Variants in LZTFL1 observed in about 807,000 individuals in gnomAD.
LZTFL1 encodes the protein leucine zipper transcription factor like 1, also known as leucine zipper transcription factor-like protein 1.
LZTFL1 carries 25 observed loss-of-function variants against 45.9 expected under a neutral mutation model. The ratio of observed to expected loss-of-function variants is 0.54; its 90% CI spans 0.40 to 0.76. The LOEUF (loss-of-function observed/expected upper bound fraction) is 0.76. Ranked by LOEUF, LZTFL1 falls within the 30% of genes least tolerant of loss-of-function variation. LZTFL1 has a pLI of 0.00. For synonymous variants in LZTFL1, 93 were observed against 117.4 expected, an observed-to-expected ratio of 0.79 and a Z score of 1.35; for missense variants, 277 against 331.1, an observed-to-expected ratio of 0.84 and a Z score of 1.27.
chr3:45,867,596 C>G (rs1430643644), intron 2 of LZTFL1, among the ~76,000 whole-genome samples: 1 of 152,186 alleles, frequency 6.6e-6, no homozygotes, highest in Admixed American at 6.5e-5. Flanking sequence ...GTAATCCCAG[C>G]ACTTTGGGAG....
chr3:45,911,152 C>T (rs1381276812), intron 2 of LZTFL1, among the ~76,000 whole-genome samples: 6 of 152,198 alleles, frequency 3.9e-5, no homozygotes, highest in African/African-American at 1.4e-4. Context: ...CTCTGCTCTT[C>T]CACTGGTCAG....
At chr3:45,861,200 A>G (rs1415569802) in intron 2 of LZTFL1, among the ~76,000 whole-genome samples, 2 of 134,020 alleles carry the variant, frequency 1.5e-5, no homozygotes, top group African/African-American at 5.7e-5. Context: ...AAGACTGTGA[A>G]GAAGCAAAAC....
chr3:45,891,940 G>A (rs1702191210), intron 2 of LZTFL1, among the ~76,000 whole-genome samples: 1 of 152,134 alleles, frequency 6.6e-6, no homozygotes, highest in African/African-American at 2.4e-5. Context: ...CAACTCTTTA[G>A]GACAAATGTG....
intron 7 of LZTFL1, 75 bp downstream of exon 7, chr3:45,830,838 A>T (rs893102096): frequency 2.3e-5 from 30 of 1,313,588 alleles, no homozygotes; most frequent in Non-Finnish European, 3.1e-5. Context: ...GTGAGCAGTA[A>T]CTAAGACTTA....
rs901225705 is a variant in LZTFL1, at chr3:45,824,475, T to C, written c.*1839A>G. ...CGTCAAAGAACATCATATTTGTTTA[T>C]CTTAATGCTTGGCATAGTTGGTTTT... is the stretch of plus-strand genomic sequence containing the variant. On this transcript the variant is annotated 3_prime_UTR_variant, in exon 10 of 10. Coordinates refer to ENST00000296135, the MANE Select transcript of LZTFL1 (RefSeq NM_020347.4). 1.5e-5 allele frequency: 3 copies of C among 199,240 alleles called. No homozygotes were observed. Among genetic ancestry groups the C allele is most frequent in the East Asian group, 1.1e-4 (1 of 8,900 alleles). The allele number at this position is 199,240 out of a possible 1,614,324, so 12.3% of individuals were successfully genotyped here.
chr3:45,865,166 C>A (rs1575276768), intron 2 of LZTFL1, among the ~76,000 whole-genome samples: 1 of 152,238 alleles, frequency 6.6e-6, no homozygotes. Context: ...TCCTTCCCCA[C>A]AGGCAGCCTT....
At chr3:45,872,876 C>T (rs759738582) in intron 2 of LZTFL1, among the ~76,000 whole-genome samples, 5 of 152,106 alleles carry the variant, frequency 3.3e-5, no homozygotes, top group Admixed American at 1.3e-4. Context: ...CAATGTTTGC[C>T]TGAGGTGCTT....
intron 4 of LZTFL1, among the ~76,000 whole-genome samples, chr3:45,850,340 T>C (rs765311404): frequency 2.1e-4 from 32 of 152,178 alleles, no homozygotes; most frequent in Non-Finnish European, 4.1e-4. Context: ...TGGAAGGACA[T>C]GCATGAGTAT....
rs185326114 is a variant in LZTFL1, at chr3:45,827,422, C to T, written c.815G>A (p.Arg272Gln). 3.5e-5 allele frequency: 57 copies of T among 1,613,676 alleles called. No homozygotes were observed. The highest frequency in any genetic ancestry group is 2.2e-4 in the East Asian group (10 of 44,870). The change falls in exon 9 of 10, where the codon CGA (arginine) becomes CAA (glutamine). Residue 272 changes from arginine to glutamine, a missense_variant. By Grantham distance (43) the Arg-to-Gln change is conservative. Transcript: ENST00000296135. ...EKKFQQTAAY[R>Q]NMKEILTKKN... The stretch of plus-strand genomic sequence containing the variant: ...CTTGGTAAGAATCTCTTTCATGTTT[C>T]GATAAGCTGCTGTTTGCTGAAATTT...
rs1309433680 is a variant in LZTFL1 at position 45,861,226 on chromosome 3, AC to A, written c.-214-2211del. On this transcript the variant is annotated intron_variant, in intron 2 of 4. Coordinates refer to the LZTFL1 transcript ENST00000472635. ...GAAGCAAAACGAAAAAAAAAAAAAA[AC>A]CCCAAAAACTCCCTTCCAGATCAAA... Among the ~76,000 whole-genome samples the A allele has an allele frequency of 5.1e-3, 722 of 141,184 alleles. 2 individuals are homozygous for A. The highest frequency in any genetic ancestry group is 0.022 in the Middle Eastern group (6 of 276). The allele number at this position is 141,184 out of a possible 152,430, so 92.6% of individuals were successfully genotyped here.
At position 45,890,310 on chromosome 3, in the gene LZTFL1, T is replaced by TATAAATATATATAAC. The variant is rs1702124263; in HGVS notation, c.-215+22809_-215+22810insGTTATATATATTTAT. On this transcript the variant is annotated intron_variant, in intron 2 of 4. Transcript: ENST00000472635. ...TATATAAATATATATATAACATATA[T>TATAAATATATATAAC]ATATATTTATATAAATATATATATA... Among the ~76,000 whole-genome samples, 2 of 63,014 alleles carry TATAAATATATATAAC rather than the reference T, an allele frequency of 3.2e-5. 1 individual carries two copies. The highest frequency in any genetic ancestry group is 1.7e-4 in the African/African-American group (2 of 12,026). 41.3% of individuals were successfully genotyped at this position (63,014 alleles called of 152,430 possible). A position where few individuals can be genotyped will look rare whatever the true frequency, so the allele number is the denominator to read the frequency against.
At chr3:45,908,560 G>C (rs975390536) in intron 2 of LZTFL1, among the ~76,000 whole-genome samples, 1 of 152,022 alleles carries the variant, frequency 6.6e-6, no homozygotes, top group African/African-American at 2.4e-5. Context: ...GGGGAGCCAG[G>C]GAAGGCGTCC....
In LZTFL1 at chr3:45,901,513, T is replaced by C. The variant is rs1292010654; in HGVS notation, c.-215+11607A>G. 3 of 1,614,074 alleles carry C rather than the reference T, an allele frequency of 1.9e-6. No homozygotes were observed. Among genetic ancestry groups the C allele is most frequent in the Non-Finnish European group, 2.5e-6 (3 of 1,180,032 alleles). Reference sequence around the variant, plus strand: ...TATACCATCATCATTCACACCCTGATACAAGCCAAGAAGTCTTCCAAGCAC... The same window carrying C: ...TATACCATCATCATTCACACCCTGACACAAGCCAAGAAGTCTTCCAAGCAC... On this transcript the variant is annotated intron_variant, in intron 2 of 4. Coordinates refer to the LZTFL1 transcript ENST00000472635. The surrounding 1 kb of genome is among the most constrained non-coding windows in gnomAD (Gnocchi z 4.3).
chr3:45,892,972 T>G (rs1205311045), intron 2 of LZTFL1, among the ~76,000 whole-genome samples: 1 of 152,182 alleles, frequency 6.6e-6, no homozygotes, highest in African/African-American at 2.4e-5. Flanking sequence ...TTGAACAGCT[T>G]TATTGAGGTC....
chr3:45,884,830 C>T (rs1701937542), intron 2 of LZTFL1, among the ~76,000 whole-genome samples: 1 of 152,250 alleles, frequency 6.6e-6, no homozygotes, highest in South Asian at 2.1e-4. Context: ...GGAACATCTT[C>T]TTCCCTCTAG....
At chr3:45,867,726 C>T (rs558649754) in intron 2 of LZTFL1, among the ~76,000 whole-genome samples, 104 of 152,202 alleles carry the variant, frequency 6.8e-4, no homozygotes, top group African/African-American at 2.4e-3. Flanking sequence ...TGCCTGTAGT[C>T]CCAGCTACTT....
intron 2 of LZTFL1, among the ~76,000 whole-genome samples, chr3:45,890,249 G>T (rs1289255480): frequency 4.6e-4 from 1 of 2,192 alleles, no homozygotes; most frequent in Non-Finnish European, 1.1e-3. Context: ...ATAAGCCCTG[G>T]GTATTAGAAA....
chr3:45,884,263 C>G (rs1037554501), intron 2 of LZTFL1: 4 of 152,286 alleles, frequency 2.6e-5, no homozygotes, highest in African/African-American at 9.6e-5. Context: ...AAGAAAGAAA[C>G]ACAGCAAAGA....
At chr3:45,838,954 C>T (rs1292783298) in intron 1 of LZTFL1, among the ~76,000 whole-genome samples, 1 of 152,244 alleles carries the variant, frequency 6.6e-6, no homozygotes, top group Non-Finnish European at 1.5e-5. Context: ...TTCTATTACA[C>T]ACTAAAAATA....
Sources: allele counts gnomAD v4.1 joint callset (sites outside exome capture counted in the v4.1 genomes callset), GRCh38; gene constraint gnomAD v4.1.1; non-coding constraint Gnocchi (gnomAD v3.1); transcripts MANE v1.5; gene names NCBI Gene and HGNC (gene_info 2026-07-23, HGNC 2026-07-21).